ITSN2: variants seen among roughly 807,000 people sequenced by gnomAD.
ITSN2 encodes intersectin-2.
A neutral mutation model predicts 243.7 loss-of-function variants in ITSN2; 156 were observed. The observed-to-expected ratio is 0.64, with a 90% CI of 0.56 to 0.73. The LOEUF (loss-of-function observed/expected upper bound fraction) is 0.73. ITSN2 is among the 30% of genes least tolerant of loss of function. The pLI is 0.00. For missense variants in ITSN2, 1,801 were observed against 1,996.1 expected, an observed-to-expected ratio of 0.90 and a Z score of 1.86; for synonymous variants, 703 against 699.9, an observed-to-expected ratio of 1.00 and a Z score of -0.07.
intron 2 of ITSN2, among the ~76,000 whole-genome samples, chr2:24,320,987 T>G (rs1410179193): frequency 6.6e-6 from 1 of 152,190 alleles, no homozygotes; most frequent in African/African-American, 2.4e-5. Context: ...CTTAGTGGTA[T>G]GTACACTCAT....
chr2:24,290,882 C>A (rs1293045792), intron 15 of ITSN2, among the ~76,000 whole-genome samples: 1 of 151,812 alleles, frequency 6.6e-6, no homozygotes, highest in Non-Finnish European at 1.5e-5. Flanking sequence ...TCTTATGTTT[C>A]GATATCTGAT....
At chr2:24,313,633 A>T in intron 3 of ITSN2, 110 bp from the exon 4 acceptor site, 1 of 647,160 alleles carries the variant, frequency 1.5e-6, no homozygotes. Flanking sequence ...TTTTAATACC[A>T]ATCATTAAAG....
intron 15 of ITSN2, among the ~76,000 whole-genome samples, chr2:24,291,328 C>T (rs1040085102): frequency 7.9e-5 from 12 of 152,060 alleles, no homozygotes; most frequent in Admixed American, 1.3e-4. Flanking sequence ...GGGGTTTCAC[C>T]GCATTGGCCA....
chr2:24,358,214 A>G (rs544411027), intron 1 of ITSN2, among the ~76,000 whole-genome samples: 2 of 152,270 alleles, frequency 1.3e-5, no homozygotes, highest in South Asian at 4.1e-4. Context: ...CGGCACATAG[A>G]TAACTCTTTT....
chr2:24,272,950 T>C (rs1310486232), intron 18 of ITSN2, among the ~76,000 whole-genome samples: 6 of 152,160 alleles, frequency 3.9e-5, no homozygotes, highest in Non-Finnish European at 7.4e-5. Flanking sequence ...TTCACAACCT[T>C]ACTCAGAGGT....
At chr2:24,294,695 A>C (rs1481846537) in intron 14 of ITSN2, among the ~76,000 whole-genome samples, 27 of 152,222 alleles carry the variant, frequency 1.8e-4, no homozygotes. Context: ...AATTTTAAAA[A>C]GAATAACTTT....
intron 2 of ITSN2, among the ~76,000 whole-genome samples, chr2:24,319,274 C>A (rs1471442445): frequency 1.3e-5 from 2 of 152,096 alleles, no homozygotes; most frequent in African/African-American, 2.4e-5. Context: ...GGCAGTAGAG[C>A]AACAAGAAGG....
chr2:24,334,699 AAAG>A (rs1686155239), intron 1 of ITSN2: 18 of 1,585,026 alleles, frequency 1.1e-5, no homozygotes, highest in Middle Eastern at 1.8e-4. Flanking sequence ...CTAAAACTAC[AAAG>A]AAGATTGTGC....
chr2:24,208,977 A>T, intron 36 of ITSN2, 123 bp downstream of exon 36: 2 of 1,078,704 alleles, frequency 1.9e-6, no homozygotes, highest in Non-Finnish European at 2.7e-6. Flanking sequence ...GGGATGTGTT[A>T]AGAGAGGTTC....
intron 23 of ITSN2, 34 bp from the exon 24 acceptor site, chr2:24,254,465 A>C (rs1474641419): frequency 1.3e-6 from 2 of 1,533,742 alleles, no homozygotes; most frequent in Non-Finnish European, 1.8e-6. Context: ...ACAAACAAAC[A>C]AACAAATACA....
At chr2:24,205,474 C>T (rs1668770547) in intron 37 of ITSN2, 177 bp from the exon 38 acceptor site, 1 of 565,376 alleles carries the variant, frequency 1.8e-6, no homozygotes, top group African/African-American at 1.9e-5. Flanking sequence ...GCTAGGAAGC[C>T]CCTGCTTGCT....
intron 7 of ITSN2, 106 bp from the exon 8 acceptor site, chr2:24,308,862 C>G: frequency 1.3e-6 from 1 of 764,368 alleles, no homozygotes; most frequent in East Asian, 3.7e-5. Flanking sequence ...GGGTCCTGAA[C>G]CCCCGGGCCA....
At chr2:24,315,305 A>G in intron 2 of ITSN2, 81 bp from the exon 3 acceptor site, 1 of 783,142 alleles carries the variant, frequency 1.3e-6, no homozygotes. Flanking sequence ...AGAAATCACA[A>G]GTGTTCATTG....
chr2:24,230,421 C>G (rs886298648), intron 29 of ITSN2, among the ~76,000 whole-genome samples: 1 of 152,194 alleles, frequency 6.6e-6, no homozygotes, highest in East Asian at 1.9e-4. Flanking sequence ...CCTCTTTAAT[C>G]TGGCAAGGCA....
intron 1 of ITSN2, among the ~76,000 whole-genome samples, chr2:24,347,152 C>T (rs2702128): frequency 0.98 from 148,925 of 152,282 alleles, 72,817 homozygotes; most frequent in East Asian, 0.99. Context: ...CGTGAGCCAC[C>T]GCAACCAGCA....
At chr2:24,294,098 C>A (rs1218247996) in intron 14 of ITSN2, among the ~76,000 whole-genome samples, 1 of 152,122 alleles carries the variant, frequency 6.6e-6, no homozygotes, top group Non-Finnish European at 1.5e-5. Context: ...TGTAAGCATG[C>A]CATGATACTT....
At chr2:24,243,585 G>C (rs575514449) in intron 29 of ITSN2, among the ~76,000 whole-genome samples, 142 of 152,258 alleles carry the variant, frequency 9.3e-4, no homozygotes, top group Non-Finnish European at 1.5e-4. Context: ...TCCCACCTCA[G>C]CCTCCCAGGC....
intron 2 of ITSN2, among the ~76,000 whole-genome samples, chr2:24,318,292 C>T (rs1039273467): frequency 6.6e-6 from 1 of 152,102 alleles, no homozygotes; most frequent in African/African-American, 2.4e-5. Flanking sequence ...ACTACAGGTA[C>T]GTGCGACTAC....
chr2:24,319,749 G>C (rs1005961996), intron 2 of ITSN2, among the ~76,000 whole-genome samples: 1 of 152,202 alleles, frequency 6.6e-6, no homozygotes, highest in Non-Finnish European at 1.5e-5. Context: ...TAGGTCCCAC[G>C]GCAGTAGGGG....
Sources: gnomAD v4.1 joint callset for allele counts (sites outside exome capture counted in the v4.1 genomes callset) on GRCh38, gnomAD v4.1.1 for gene constraint, MANE v1.5 for transcripts, NCBI Gene and HGNC (gene_info 2026-07-23, HGNC 2026-07-21) for gene names.